The following MELK variants were observed in gnomAD, a reference collection of about 807,000 sequenced individuals.
MELK encodes the protein pEg3 kinase.
A neutral mutation model predicts 85.0 loss-of-function variants in MELK; 81 were observed. That is an observed-to-expected ratio of 0.95 (90% CI 0.80 to 1.15). MELK has a LOEUF of 1.15. MELK is among the 50% of genes most tolerant of loss of function. The pLI is 0.00. For synonymous variants in MELK, 252 were observed against 265.0 expected (o/e 0.95, Z 0.48); for missense variants, 754 against 777.5 (o/e 0.97, Z 0.36).
chr9:36,650,233 G>A (rs1197577124), intron 11 of MELK, among the ~76,000 whole-genome samples: 3 of 149,764 alleles, frequency 2.0e-5, no homozygotes, highest in South Asian at 4.3e-4. Flanking sequence ...GTGAGCCACC[G>A]CACCCGGCCT....
chr9:36,620,851 A>G (rs557282240), intron 8 of MELK, among the ~76,000 whole-genome samples: 79 of 151,996 alleles, frequency 5.2e-4, no homozygotes, highest in Non-Finnish European at 9.7e-4. Context: ...ACCCAGCTGC[A>G]TTCCCTTCTT....
At chr9:36,634,105 T>C (rs773723211) in intron 10 of MELK, among the ~76,000 whole-genome samples, 1 of 152,266 alleles carries the variant, frequency 6.6e-6, no homozygotes, top group African/African-American at 2.4e-5. Flanking sequence ...TGCTGAGTTA[T>C]GCAAATCTTC....
At chr9:36,593,646 T>C (rs534895669) in intron 4 of MELK, among the ~76,000 whole-genome samples, 7 of 152,336 alleles carry the variant, frequency 4.6e-5, no homozygotes, top group African/African-American at 1.4e-4. Flanking sequence ...GCTGCTGCAG[T>C]AAATGATCTT....
chr9:36,632,573 A>G (rs767001062), intron 9 of MELK, among the ~76,000 whole-genome samples: 33 of 152,174 alleles, frequency 2.2e-4, no homozygotes, highest in Non-Finnish European at 4.3e-4. Context: ...AATCTCCGTA[A>G]TGAGATTGAA....
intron 4 of MELK, among the ~76,000 whole-genome samples, chr9:36,593,730 C>T (rs774604822): frequency 1.3e-5 from 2 of 152,152 alleles, no homozygotes; most frequent in Non-Finnish European, 2.9e-5. Context: ...CTCACTTTGT[C>T]ACCCAGGCTG....
At chr9:36,671,917 G>A (rs1432425597) in intron 16 of MELK, among the ~76,000 whole-genome samples, 1 of 152,158 alleles carries the variant, frequency 6.6e-6, no homozygotes, top group African/African-American at 2.4e-5. Flanking sequence ...GTGAAAACAG[G>A]CTGGGATGTT....
rs1414285749 is a variant in MELK, at chr9:36,581,755, T to A, written c.58+16T>A. On this transcript the variant is annotated intron_variant, in intron 2 of 17. Coordinates refer to ENST00000298048, the MANE Select transcript of MELK (RefSeq NM_014791.4). ...ATTGGGACAGGTAATTGTTATTTTT[T>A]TTTGGAGGCAGTGGATAGATCAACT... 1 of 1,579,068 alleles carries A rather than the reference T, an allele frequency of 6.3e-7. No individual in the cohort carries two copies. The highest frequency in any genetic ancestry group is 1.7e-5 in the Admixed American group (1 of 59,062).
intron 3 of MELK, among the ~76,000 whole-genome samples, chr9:36,585,606 C>T (rs1192635894): frequency 6.6e-6 from 1 of 151,974 alleles, no homozygotes; most frequent in Non-Finnish European, 1.5e-5. Flanking sequence ...CACTCCCAGC[C>T]TAACATTTTG....
At chr9:36,608,473 G>A (rs895284859) in intron 8 of MELK, among the ~76,000 whole-genome samples, 3 of 151,792 alleles carry the variant, frequency 2.0e-5, no homozygotes, top group African/African-American at 7.3e-5. Flanking sequence ...ATTGCTATCC[G>A]TGGTTTCCGG....
chr9:36,574,457 A>T (rs1370538434), intron 1 of MELK, among the ~76,000 whole-genome samples: 1 of 148,882 alleles, frequency 6.7e-6, no homozygotes, highest in Admixed American at 6.7e-5. Context: ...AAAAAAATTA[A>T]CCGGGCATGG....
In MELK at chr9:36,614,863, C is replaced by T. The variant is rs999575650; in HGVS notation, c.666+7190C>T. 2.1e-3 allele frequency among the ~76,000 whole-genome samples: 304 copies of T among 147,674 alleles called. 2 individuals are homozygous for T. The highest frequency in any genetic ancestry group is 3.5e-3 in the Non-Finnish European group (234 of 67,132). On this transcript the variant is annotated intron_variant, in intron 8 of 17. Coordinates refer to ENST00000298048, the MANE Select transcript of MELK (RefSeq NM_014791.4). ...TTTCTACACAGACACAGCAACCATCCGATTTCTCAATCTTTTCCCCACCTT... is the reference window on the plus strand; with the variant it reads ...TTTCTACACAGACACAGCAACCATCTGATTTCTCAATCTTTTCCCCACCTT...
intron 5 of MELK, among the ~76,000 whole-genome samples, 153 bp downstream of exon 5, chr9:36,594,924 CTTTTTTTTT>C (rs756955937): frequency 7.6e-6 from 1 of 131,920 alleles, no homozygotes; most frequent in Non-Finnish European, 1.6e-5. Flanking sequence ...TTTCCTCTTA[CTTTTTTTTT>C]TTTTTTTTTT....
rs1827990525 is a variant in MELK, at chr9:36,626,969, A to G, written c.667-3330A>G. Among the ~76,000 whole-genome samples, 7 of 151,250 alleles carry G rather than the reference A, an allele frequency of 4.6e-5. No homozygotes were observed. The South Asian group carries it at 1.5e-3, about 32-fold the overall frequency. On this transcript the variant is annotated intron_variant, in intron 8 of 17. Coordinates refer to ENST00000298048, the MANE Select transcript of MELK (RefSeq NM_014791.4). ...GTGAAACTCCATCTCAAGAAGAAAA[A>G]AAAAAAAAAAAAGAAAAGAAGTAGC...
chr9:36,652,061 T>TC (rs1218514887), intron 12 of MELK, among the ~76,000 whole-genome samples, 184 bp downstream of exon 12: 1 of 147,464 alleles, frequency 6.8e-6, no homozygotes, highest in African/African-American at 2.5e-5. Context: ...TTTTTTTTTT[T>TC]TTTGAGATAG....
chr9:36,659,386 G>C (rs10738968), intron 13 of MELK, among the ~76,000 whole-genome samples: 117,721 of 152,134 alleles, frequency 0.77, 47,982 homozygotes, highest in Non-Finnish European at 0.9. Flanking sequence ...ATAATATAAT[G>C]TGGCAGCTCT....
At chr9:36,671,287 T>C in intron 16 of MELK, 121 bp downstream of exon 16, 1 of 1,138,416 alleles carries the variant, frequency 8.8e-7, no homozygotes, top group Non-Finnish European at 1.2e-6. Flanking sequence ...TTCACTTAGT[T>C]AATATATGTT....
intron 8 of MELK, among the ~76,000 whole-genome samples, chr9:36,621,285 A>G (rs1416483187): frequency 4.1e-4 from 34 of 82,556 alleles, no homozygotes; most frequent in African/African-American, 2.1e-3. Context: ...GAAAAAAAAA[A>G]AAAAAAAAAA....
At chr9:36,657,169 A>T (rs757259107) in intron 12 of MELK, 72 bp from the exon 13 acceptor site, 22 of 1,483,350 alleles carry the variant, frequency 1.5e-5, no homozygotes, top group Non-Finnish European at 1.9e-5. Flanking sequence ...TCGTTAAGTG[A>T]CGCGTGACTG....
intron 3 of MELK, among the ~76,000 whole-genome samples, chr9:36,587,935 C>T (rs1177011907): frequency 6.8e-6 from 1 of 148,144 alleles, no homozygotes; most frequent in Non-Finnish European, 1.5e-5. Context: ...CTAATTTTTT[C>T]GTGTGTGTTT....
Sources: gnomAD v4.1 joint callset for allele counts (sites outside exome capture counted in the v4.1 genomes callset) on GRCh38, gnomAD v4.1.1 for gene constraint, MANE v1.5 for transcripts, NCBI Gene and HGNC (gene_info 2026-07-23, HGNC 2026-07-21) for gene names.